UNC13C: variants seen among roughly 807,000 people sequenced by gnomAD.
UNC13C encodes the protein unc-13 homolog C, also known as protein unc-13 homolog C.
A neutral mutation model predicts 245.4 loss-of-function variants in UNC13C; 174 were observed. That is an observed-to-expected ratio of 0.71 (90% CI 0.63 to 0.80). The LOEUF (loss-of-function observed/expected upper bound fraction) is 0.80. UNC13C is among the 30% of genes least tolerant of loss of function. UNC13C has a pLI of 0.00. For synonymous variants in UNC13C, 992 were observed against 895.1 expected (o/e 1.11, Z -1.93); for missense variants, 2,829 against 2,602.9 (o/e 1.09, Z -1.89).
chr15:54,379,422 T>C (rs1471286167), intron 17 of UNC13C, among the ~76,000 whole-genome samples: 1 of 152,142 alleles, frequency 6.6e-6, no homozygotes, highest in Non-Finnish European at 1.5e-5. Context: ...AAAGTAAGTG[T>C]ATTACTCTTG....
At chr15:54,041,817 A>G (rs1029963676) in intron 2 of UNC13C, among the ~76,000 whole-genome samples, 6 of 152,248 alleles carry the variant, frequency 3.9e-5, no homozygotes, top group Admixed American at 6.5e-5. Context: ...AGCTAATACC[A>G]TATTGAGACA....
chr15:53,969,525 A>T, the UNC13C span, among the ~76,000 whole-genome samples: 2 of 151,986 alleles, frequency 1.3e-5, no homozygotes, highest in African/African-American at 2.4e-5. Context: ...TCTATAAAAA[A>T]TTTTTAAAAA....
At chr15:54,102,791 T>C (rs1021252889) in intron 2 of UNC13C, among the ~76,000 whole-genome samples, 7 of 152,300 alleles carry the variant, frequency 4.6e-5, no homozygotes, top group Admixed American at 1.3e-4. Flanking sequence ...ACCCCAGGGG[T>C]GTTCACCCAG....
chr15:54,141,703 C>T (rs554862885), intron 2 of UNC13C, among the ~76,000 whole-genome samples: 20 of 151,898 alleles, frequency 1.3e-4, no homozygotes, highest in South Asian at 1.0e-3. Context: ...TATTCTTCTG[C>T]GGTAATGCTA....
At chr15:54,051,306 A>G (rs750754128) in intron 2 of UNC13C, among the ~76,000 whole-genome samples, 100 of 152,160 alleles carry the variant, frequency 6.6e-4, no homozygotes, top group Non-Finnish European at 7.4e-5. Context: ...TAAGGAATGG[A>G]TGCAATTTCA....
chr15:53,871,901 CA>C, the UNC13C span, among the ~76,000 whole-genome samples: 1 of 152,172 alleles, frequency 6.6e-6, no homozygotes, highest in African/African-American at 2.4e-5. Flanking sequence ...CACACACACA[CA>C]AAAGAAAGTT....
At chr15:54,495,890 C>T (rs889681183) in intron 20 of UNC13C, among the ~76,000 whole-genome samples, 1 of 151,628 alleles carries the variant, frequency 6.6e-6, no homozygotes, top group African/African-American at 2.4e-5. Flanking sequence ...AGTAAGGGGA[C>T]AGTGGGATAA....
At chr15:54,009,727 AG>A (rs1272561710) in intron 1 of UNC13C, among the ~76,000 whole-genome samples, 1 of 151,974 alleles carries the variant, frequency 6.6e-6, no homozygotes, top group Non-Finnish European at 1.5e-5. Context: ...TTGTATTTTT[AG>A]TACAGATAGG....
chr15:54,237,789 C>T lies in UNC13C; in HGVS notation c.3228+99C>T, dbSNP rs1407235005. 1.6e-5 allele frequency: 16 copies of T among 1,030,908 alleles called. No homozygotes were observed. The Admixed American group carries it at 2.2e-4, about 14-fold the overall frequency. The allele number at this position is 1,030,908 out of a possible 1,614,324, so 63.9% of individuals were successfully genotyped here. On this transcript the variant is annotated intron_variant, in intron 7 of 32. Coordinates refer to ENST00000260323, the MANE Select transcript of UNC13C (RefSeq NM_001080534.3). ...GAGCTACTCATCTGTGATGTTTAGT[C>T]CAATGTTCCAGAAATAACTGGGAGC...
At chr15:54,042,223 A>G (rs904422063) in intron 2 of UNC13C, among the ~76,000 whole-genome samples, 10 of 152,210 alleles carry the variant, frequency 6.6e-5, no homozygotes, top group African/African-American at 2.4e-4. Context: ...GGAGCCCTAG[A>G]TCAAATAATT....
chr15:53,848,493 A>G, the UNC13C span, among the ~76,000 whole-genome samples: 1 of 152,118 alleles, frequency 6.6e-6, no homozygotes, highest in South Asian at 2.1e-4. Flanking sequence ...CATACTTTGA[A>G]TTATTTTGTT....
At chr15:54,419,748 C>T (rs1003421294) in intron 19 of UNC13C, among the ~76,000 whole-genome samples, 1 of 152,082 alleles carries the variant, frequency 6.6e-6, no homozygotes, top group Non-Finnish European at 1.5e-5. Flanking sequence ...GTTACCTGGT[C>T]ATCTGTGCTC....
chr15:54,192,203 A>G (rs1428722105), intron 4 of UNC13C, among the ~76,000 whole-genome samples: 1 of 152,180 alleles, frequency 6.6e-6, no homozygotes, highest in Non-Finnish European at 1.5e-5. Flanking sequence ...GTCACAATTT[A>G]TATTTCTTCC....
chr15:54,297,748 A>C, intron 11 of UNC13C, 63 bp from the exon 12 acceptor site: 3 of 1,200,876 alleles, frequency 2.5e-6, no homozygotes, highest in Non-Finnish European at 3.6e-6. Flanking sequence ...AGCTTTTGAG[A>C]GGTCGTATGA....
Position 54,321,933 on chromosome 15 carries a change from T to C in UNC13C, c.4269-6T>C. On this transcript the variant is annotated splice_region_variant and splice_polypyrimidine_tract_variant and intron_variant, in intron 13 of 32. Transcript: ENST00000260323. The stretch of plus-strand genomic sequence containing the variant: ...TTAAAAACACTTTATGTTTTTTGTC[T>C]TTCAGGCACTTTTCATGTCTGTCTT... The C allele has an allele frequency of 6.4e-7, 1 of 1,560,220 alleles. No individual in the cohort carries two copies. The highest frequency in any genetic ancestry group is 1.2e-5 in the South Asian group (1 of 83,512).
intron 4 of UNC13C, among the ~76,000 whole-genome samples, chr15:54,178,012 A>AT (rs1432256730): frequency 2.0e-5 from 3 of 151,910 alleles, no homozygotes; most frequent in South Asian, 4.1e-4. Flanking sequence ...ATTTTTATTG[A>AT]TTTTTTATAA....
intron 30 of UNC13C, among the ~76,000 whole-genome samples, chr15:54,583,864 G>C (rs950446278): frequency 2.0e-4 from 31 of 152,198 alleles, no homozygotes; most frequent in African/African-American, 7.0e-4. Flanking sequence ...CAACACCAGA[G>C]TCCTGTGAAT....
At chr15:54,539,190 C>T (rs1314186971) in intron 26 of UNC13C, among the ~76,000 whole-genome samples, 1 of 151,800 alleles carries the variant, frequency 6.6e-6, no homozygotes, top group Non-Finnish European at 1.5e-5. Flanking sequence ...ATTCCATTTA[C>T]CTTTGGTTGC....
At chr15:54,358,605 G>C (rs56029776) in intron 17 of UNC13C, among the ~76,000 whole-genome samples, 70,757 of 151,466 alleles carry the variant, frequency 0.47, 16,832 homozygotes, top group East Asian at 0.73. Context: ...TTCTTGATTT[G>C]AGATAGTCTG....
Sources: allele counts gnomAD v4.1 joint callset (sites outside exome capture counted in the v4.1 genomes callset), GRCh38; gene constraint gnomAD v4.1.1; transcripts MANE v1.5; gene names NCBI Gene and HGNC (gene_info 2026-07-23, HGNC 2026-07-21).